KCNH5: variants seen among roughly 807,000 people sequenced by gnomAD.
The protein encoded by KCNH5 is potassium voltage-gated channel subfamily H member 5, also known as voltage-gated delayed rectifier potassium channel KCNH5.
Under a neutral mutation model 96.1 loss-of-function variants are expected in KCNH5, and 46 were observed. That is an observed-to-expected ratio of 0.48 (90% CI 0.38 to 0.61). The LOEUF (loss-of-function observed/expected upper bound fraction) is 0.61, where lower values mean the gene tolerates loss of function less well. Among genes scored for constraint, KCNH5 ranks in the 20% least tolerant of loss-of-function variants. The pLI is 0.00. For missense variants in KCNH5, 907 were observed against 1,225.8 expected (o/e 0.74, Z 3.88); for synonymous variants, 439 against 449.8 (o/e 0.98, Z 0.30).
intron 10 of KCNH5, among the ~76,000 whole-genome samples, chr14:62,779,350 C>G (rs1886161124): frequency 6.6e-6 from 1 of 152,208 alleles, no homozygotes; most frequent in Middle Eastern, 3.4e-3. Flanking sequence ...GTAAAACAGG[C>G]ACCCAGGTTG....
intron 10 of KCNH5, among the ~76,000 whole-genome samples, chr14:62,709,188 G>A (rs901429300): frequency 1.5e-5 from 2 of 129,124 alleles, no homozygotes; most frequent in African/African-American, 5.8e-5. Flanking sequence ...AGCGGAGATC[G>A]CGCCACAGCA....
chr14:62,818,113 G>GA (rs1196822751), intron 8 of KCNH5, among the ~76,000 whole-genome samples: 1 of 128,360 alleles, frequency 7.8e-6, no homozygotes, highest in Non-Finnish European at 1.7e-5. Flanking sequence ...TGGGGGCGGG[G>GA]GGGGGGTGGA....
In KCNH5 at chr14:62,750,485, C is replaced by T. The variant is rs148891699; in HGVS notation, c.2019+29243G>A. On this transcript the variant is annotated intron_variant, in intron 10 of 10. Transcript: ENST00000322893. ...GCCGTGGCTGAGGGTACAAACCTGCCGACAAGTCCAACTGGCTCCTTTAAT... is the reference window on the plus strand; with the variant it reads ...GCCGTGGCTGAGGGTACAAACCTGCTGACAAGTCCAACTGGCTCCTTTAAT... Among the ~76,000 whole-genome samples, 275 of 152,272 alleles carry T rather than the reference C, an allele frequency of 1.8e-3. 1 individual carries two copies. The highest frequency in any genetic ancestry group is 6.0e-3 in the African/African-American group (251 of 41,560).
At chr14:63,032,507 T>C (rs1891648482) in intron 1 of KCNH5, among the ~76,000 whole-genome samples, 1 of 152,164 alleles carries the variant, frequency 6.6e-6, no homozygotes, top group Admixed American at 6.6e-5. Context: ...TAAAACCATG[T>C]AGCAATCACT....
intron 7 of KCNH5, among the ~76,000 whole-genome samples, chr14:62,860,542 T>C (rs1440238361): frequency 6.6e-6 from 1 of 152,220 alleles, no homozygotes; most frequent in Non-Finnish European, 1.5e-5. Flanking sequence ...CATTTCAGAC[T>C]CATTTATTAT....
chr14:62,885,684 G>A (rs1029976578), intron 7 of KCNH5, among the ~76,000 whole-genome samples: 6 of 152,152 alleles, frequency 3.9e-5, no homozygotes, highest in Non-Finnish European at 8.8e-5. Context: ...CAGGGAGTTC[G>A]AGTTCAGCAG....
chr14:63,020,677 C>G (rs537590526), intron 1 of KCNH5, among the ~76,000 whole-genome samples: 2 of 152,232 alleles, frequency 1.3e-5, no homozygotes, highest in East Asian at 3.9e-4. Flanking sequence ...AAAGAACTTT[C>G]TGGCAAATGT....
chr14:62,890,423 C>T (rs1271045356), intron 7 of KCNH5, among the ~76,000 whole-genome samples: 3 of 151,584 alleles, frequency 2.0e-5, no homozygotes, highest in Non-Finnish European at 2.9e-5. Flanking sequence ...GGGCCGGGCG[C>T]GGTGGCTCAC....
intron 2 of KCNH5, among the ~76,000 whole-genome samples, chr14:63,015,636 G>A (rs1344888483): frequency 1.3e-5 from 2 of 151,814 alleles, no homozygotes; most frequent in Non-Finnish European, 2.9e-5. Flanking sequence ...ACATAGAGAG[G>A]GAGAGAGTCA....
intron 8 of KCNH5, among the ~76,000 whole-genome samples, chr14:62,829,243 A>G (rs1401569025): frequency 6.6e-6 from 1 of 152,062 alleles, no homozygotes; most frequent in Admixed American, 6.5e-5. Flanking sequence ...CAAGCTCTCC[A>G]TGGATCTACC....
chr14:62,811,910 A>T (rs1886880308), intron 8 of KCNH5, among the ~76,000 whole-genome samples: 2 of 152,154 alleles, frequency 1.3e-5, no homozygotes, highest in African/African-American at 4.8e-5. Flanking sequence ...GGCCCTCCAG[A>T]TCCATCAGCA....
chr14:62,829,495 C>T (rs1420158748), intron 8 of KCNH5, among the ~76,000 whole-genome samples: 4 of 152,202 alleles, frequency 2.6e-5, no homozygotes, highest in African/African-American at 9.6e-5. Flanking sequence ...CACCCACAGG[C>T]CCTATACCAC....
intron 1 of KCNH5, among the ~76,000 whole-genome samples, chr14:63,030,631 T>C (rs754517626): frequency 1.3e-5 from 2 of 152,186 alleles, no homozygotes; most frequent in Non-Finnish European, 2.9e-5. Flanking sequence ...CCAAAGATTC[T>C]GTTTTAATTG....
intron 6 of KCNH5, among the ~76,000 whole-genome samples, chr14:62,965,843 T>C (rs1489551868): frequency 6.6e-6 from 1 of 152,184 alleles, no homozygotes; most frequent in African/African-American, 2.4e-5. Flanking sequence ...AAGATGTCAT[T>C]AAATAGATGT....
At chr14:62,750,411 A>C (rs1885472602) in intron 10 of KCNH5, among the ~76,000 whole-genome samples, 1 of 152,216 alleles carries the variant, frequency 6.6e-6, no homozygotes, top group Non-Finnish European at 1.5e-5. Flanking sequence ...TTAAGCCCTG[A>C]CCTTTAGCCC....
At chr14:62,787,960 G>A (rs1421745968) in intron 9 of KCNH5, among the ~76,000 whole-genome samples, 1 of 152,158 alleles carries the variant, frequency 6.6e-6, no homozygotes, top group African/African-American at 2.4e-5. Context: ...TTTCATGCCG[G>A]CTAACACAAC....
chr14:62,757,764 T>C (rs1885655369), intron 10 of KCNH5, among the ~76,000 whole-genome samples: 2 of 152,030 alleles, frequency 1.3e-5, no homozygotes, highest in Non-Finnish European at 2.9e-5. Flanking sequence ...ACTGAACTCA[T>C]GGAGATAGAG....
intron 5 of KCNH5, among the ~76,000 whole-genome samples, chr14:62,981,950 C>T (rs913180243): frequency 2.6e-5 from 4 of 152,126 alleles, no homozygotes; most frequent in African/African-American, 9.7e-5. Flanking sequence ...TTGAGTTACA[C>T]TAATTAAGTC....
At chr14:62,724,346 G>A (rs962651770) in intron 10 of KCNH5, among the ~76,000 whole-genome samples, 1 of 152,018 alleles carries the variant, frequency 6.6e-6, no homozygotes, top group African/African-American at 2.4e-5. Flanking sequence ...TAAAAGATGG[G>A]GCTGAACTTG....
Sources: allele counts gnomAD v4.1 joint callset (sites outside exome capture counted in the v4.1 genomes callset), GRCh38; gene constraint gnomAD v4.1.1; transcripts MANE v1.5; gene names NCBI Gene and HGNC (gene_info 2026-07-23, HGNC 2026-07-21).